The following NSUN2 variants were observed in gnomAD, a reference collection of about 807,000 sequenced individuals.
The protein encoded by NSUN2 is NOP2/Sun RNA methyltransferase 2.
A neutral mutation model predicts 92.7 loss-of-function variants in NSUN2; 63 were observed. The ratio of observed to expected loss-of-function variants is 0.68; its 90% CI spans 0.56 to 0.84. The LOEUF (loss-of-function observed/expected upper bound fraction) is 0.84. NSUN2 is among the 40% of genes least tolerant of loss of function. NSUN2 has a pLI of 0.00. For synonymous variants in NSUN2, 356 were observed against 348.3 expected, an observed-to-expected ratio of 1.02 and a Z score of -0.25; for missense variants, 989 against 964.9, an observed-to-expected ratio of 1.02 and a Z score of -0.33.
chr5:6,602,578 T>C (rs112142305), intron 17 of NSUN2, 78 bp from the exon 18 acceptor site: 1 of 1,225,462 alleles, frequency 8.2e-7, no homozygotes, highest in South Asian at 1.2e-5. Context: ...CTGCACCTAG[T>C]GATGTGTTAA....
chr5:6,604,056 G>T, intron 17 of NSUN2, 82 bp downstream of exon 17: 1 of 1,203,408 alleles, frequency 8.3e-7, no homozygotes. Flanking sequence ...TGATAAATAT[G>T]CCCCAACGCA....
At chr5:6,611,624 T>C in intron 10 of NSUN2, 101 bp downstream of exon 10, 1 of 852,484 alleles carries the variant, frequency 1.2e-6, no homozygotes, top group Non-Finnish European at 1.9e-6. Flanking sequence ...CCAGATGTAG[T>C]ATTTATTCAA....
chr5:6,615,336 T>G (rs1737165241), intron 9 of NSUN2, among the ~76,000 whole-genome samples: 2 of 152,122 alleles, frequency 1.3e-5, no homozygotes, highest in Non-Finnish European at 2.9e-5. Flanking sequence ...GGAATCATGG[T>G]TTCCTAAATT....
At chr5:6,618,351 A>C (rs1737298400) in intron 7 of NSUN2, among the ~76,000 whole-genome samples, 1 of 152,246 alleles carries the variant, frequency 6.6e-6, no homozygotes. Context: ...CAGAACCTAA[A>C]ATACTATTGA....
intron 7 of NSUN2, among the ~76,000 whole-genome samples, chr5:6,618,682 A>T (rs1737315963): frequency 6.6e-6 from 1 of 152,168 alleles, no homozygotes; most frequent in South Asian, 2.1e-4. Context: ...TTTTTCTTAC[A>T]ATCACCGTTA....
intron 6 of NSUN2, chr5:6,620,859 C>T (rs1737408132): frequency 6.6e-6 from 1 of 152,272 alleles, no homozygotes; most frequent in South Asian, 2.1e-4. Context: ...ATCAAAGCCA[C>T]TCTTCACAAC....
rs540629845 is a variant in NSUN2 at position 6,633,015 on chromosome 5, G to A, written c.-36C>T. 5 of 1,412,800 alleles carry A rather than the reference G, an allele frequency of 3.5e-6. No homozygotes were observed. The highest frequency in any genetic ancestry group is 1.5e-5 in the African/African-American group (1 of 66,254). 87.5% of individuals were successfully genotyped at this position (1,412,800 alleles called of 1,614,324 possible). On this transcript the variant is annotated 5_prime_UTR_variant, in exon 1 of 19. Coordinates refer to ENST00000264670, the MANE Select transcript of NSUN2 (RefSeq NM_017755.6). Reference sequence around the variant, plus strand: ...GCCGCGCACGCAGCACGCAGAAACCGGCCCGCCACGGCCAGAACTCTAGCC... The same window carrying A: ...GCCGCGCACGCAGCACGCAGAAACCAGCCCGCCACGGCCAGAACTCTAGCC...
At chr5:6,610,904 ATGG>A (rs771841098) in intron 11 of NSUN2, 48 bp downstream of exon 11, 1 of 1,605,060 alleles carries the variant, frequency 6.2e-7, no homozygotes, top group South Asian at 1.1e-5. Flanking sequence ...CTCACCAGGG[ATGG>A]GGCTTAACCT....
intron 9 of NSUN2, among the ~76,000 whole-genome samples, chr5:6,615,628 G>A (rs943048092): frequency 2.6e-5 from 4 of 152,216 alleles, no homozygotes; most frequent in South Asian, 2.1e-4. Context: ...ATCAACAACC[G>A]CAGGGCTGAG....
In NSUN2 at chr5:6,618,124, C is replaced by A. The variant is rs1737290872; in HGVS notation, c.816-100G>T. The A allele has an allele frequency of 4.0e-6, 3 of 741,250 alleles. No homozygotes were observed. The African/African-American group carries it at 5.3e-5, about 13-fold the overall frequency. The allele number at this position is 741,250 out of a possible 1,614,324, so 45.9% of individuals were successfully genotyped here. A position where few individuals can be genotyped will look rare whatever the true frequency, so the allele number is the denominator to read the frequency against. ...AAGCTAAGTTACAAAACAAGTGTTA[C>A]AAATATCAGTTAGGAAACAATCTCC... On this transcript the variant is annotated intron_variant, in intron 7 of 18. Coordinates refer to ENST00000264670, the MANE Select transcript of NSUN2 (RefSeq NM_017755.6).
At chr5:6,605,678 C>T (rs906118201) in intron 14 of NSUN2, among the ~76,000 whole-genome samples, 10 of 152,018 alleles carry the variant, frequency 6.6e-5, no homozygotes, top group African/African-American at 2.2e-4. Flanking sequence ...ATGATAATGA[C>T]CTGATAACAC....
At chr5:6,612,783 A>C (rs530054192) in intron 9 of NSUN2, among the ~76,000 whole-genome samples, 1 of 152,280 alleles carries the variant, frequency 6.6e-6, no homozygotes, top group South Asian at 2.1e-4. Flanking sequence ...TCTCCATCAA[A>C]CACTGTCCAG....
At chr5:6,602,356 C>A in intron 18 of NSUN2, 105 bp downstream of exon 18, 1 of 1,105,478 alleles carries the variant, frequency 9.0e-7, no homozygotes. Flanking sequence ...TCACAAAAGG[C>A]CTGAAGAAGG....
Position 6,600,288 on chromosome 5 carries a change from A to G in NSUN2, c.1998-56T>C. On this transcript the variant is annotated intron_variant, in intron 18 of 18. Coordinates refer to ENST00000264670, the MANE Select transcript of NSUN2 (RefSeq NM_017755.6). ...TTAAACATTCCCATAACTAAATCGA[A>G]TGAGATGTAATATGCAACTGCTTAA... 2.0e-6 allele frequency: 3 copies of G among 1,484,170 alleles called. No individual in the cohort carries two copies. The Middle Eastern group carries it at 5.3e-4, about 264-fold the overall frequency. 91.9% of individuals were successfully genotyped at this position (1,484,170 alleles called of 1,614,324 possible). A position where few individuals can be genotyped will look rare whatever the true frequency, so the allele number is the denominator to read the frequency against.
At position 6,600,101 on chromosome 5, in the gene NSUN2, T is replaced by C. The variant is rs1736487556; in HGVS notation, c.2129A>G (p.Lys710Arg). ...TGTGAGGATAACCCCTTCCTTCTTC[T>C]TTTCTCCCAATACCTCCAGCCCCAT... ...RMMGLEVLGE[K>R]KKEGVILTNE... Residue 710 changes from lysine (K) to arginine (R), a missense_variant, in exon 19 of 19, where the codon AAG (lysine) becomes AGG (arginine). By Grantham distance (26) the Lys-to-Arg change is conservative. Coordinates refer to ENST00000264670, the MANE Select transcript of NSUN2 (RefSeq NM_017755.6). 1 of 1,614,060 alleles carries C rather than the reference T, an allele frequency of 6.2e-7. No individual in the cohort carries two copies. The highest frequency in any genetic ancestry group is 8.5e-7 in the Non-Finnish European group (1 of 1,180,036).
chr5:6,600,384 C>T (rs545093300), intron 18 of NSUN2, 152 bp from the exon 19 acceptor site: 37 of 623,222 alleles, frequency 5.9e-5, no homozygotes, highest in Non-Finnish European at 7.7e-5. Flanking sequence ...CATCTGGATC[C>T]GAGGGGTAGG....
At chr5:6,604,532 C>T in intron 16 of NSUN2, 73 bp downstream of exon 16, 1 of 1,366,650 alleles carries the variant, frequency 7.3e-7, no homozygotes, top group Non-Finnish European at 1.0e-6. Flanking sequence ...TCTGGCTGAC[C>T]AGCAAGCCCA....
chr5:6,599,893 G>C lies in NSUN2; in HGVS notation c.*33C>G. The C allele has an allele frequency of 1.3e-6, 2 of 1,595,280 alleles. No homozygotes were observed. Among genetic ancestry groups the C allele is most frequent in the Non-Finnish European group, 1.7e-6 (2 of 1,169,700 alleles). On this transcript the variant is annotated 3_prime_UTR_variant, in exon 19 of 19. Coordinates refer to ENST00000264670, the MANE Select transcript of NSUN2 (RefSeq NM_017755.6). The stretch of plus-strand genomic sequence containing the variant: ...ACCAGAAGAAGCCAGTTTTGCGTGT[G>C]AGGGGTGTGGGCCCCCGCTGCCTTG...
At chr5:6,632,816 T>C in intron 1 of NSUN2, 60 bp from the exon 2 acceptor site, 1 of 1,571,436 alleles carries the variant, frequency 6.4e-7, no homozygotes, top group Non-Finnish European at 8.6e-7. Context: ...CGCCGCCGCC[T>C]CGCAGGCCTC....
Sources: allele counts gnomAD v4.1 joint callset (sites outside exome capture counted in the v4.1 genomes callset), GRCh38; gene constraint gnomAD v4.1.1; transcripts MANE v1.5; gene names NCBI Gene and HGNC (gene_info 2026-07-23, HGNC 2026-07-21).